Variants in LOXHD1 observed in about 807,000 individuals in gnomAD.
LOXHD1 encodes lipoxygenase homology domain-containing protein 1.
A neutral mutation model predicts 248.2 loss-of-function variants in LOXHD1; 205 were observed. The observed-to-expected ratio is 0.83, with a 90% CI of 0.74 to 0.93. The LOEUF is 0.93. Among genes scored for constraint, LOXHD1 ranks in the 40% least tolerant of loss-of-function variants. The pLI, the probability that LOXHD1 is intolerant of heterozygous loss-of-function variation, is 0.00. For missense variants in LOXHD1, 2,930 were observed against 2,971.6 expected, an observed-to-expected ratio of 0.99 and a Z score of 0.33; for synonymous variants, 1,113 against 1,162.8, an observed-to-expected ratio of 0.96 and a Z score of 0.87.
chr18:46,559,982 T>C, intron 19 of LOXHD1, 101 bp downstream of exon 19: 3 of 1,324,988 alleles, frequency 2.3e-6, no homozygotes, highest in Non-Finnish European at 3.1e-6. Flanking sequence ...CTATTTGGCC[T>C]CCACGTGAGG....
intron 40 of LOXHD1, among the ~76,000 whole-genome samples, chr18:46,482,762 G>T (rs2032687793): frequency 6.6e-6 from 1 of 152,222 alleles, no homozygotes; most frequent in Admixed American, 6.5e-5. Context: ...CTTTCCTTGT[G>T]CAGGGAAGGC....
intron 5 of LOXHD1, 66 bp from the exon 6 acceptor site, chr18:46,610,990 TG>T: frequency 1.3e-6 from 2 of 1,526,740 alleles, no homozygotes; most frequent in Non-Finnish European, 1.8e-6. Context: ...CAAGCCTTCA[TG>T]GTCCGCCCAC....
At position 46,521,149 on chromosome 18, in the gene LOXHD1, G is replaced by T. The variant is rs752649753; in HGVS notation, c.5219C>A (p.Thr1740Asn). The T allele has an allele frequency of 2.6e-5, 40 of 1,551,654 alleles. No homozygotes were observed. Among genetic ancestry groups the T allele is most frequent in the South Asian group, 9.5e-5 (8 of 84,070 alleles). The stretch of plus-strand genomic sequence containing the variant: ...ATCCAAGAGGTCGAAGACACGGGAG[G>T]TGATGCCGTCGCCTCTGTCCTTGGC... The part of the protein sequence containing the change: ...WLAKDRGDGI[T>N]SRVFDLLDAM... Residue 1740 changes from threonine (T) to asparagine (N), a missense_variant, in exon 33 of 41, where the codon ACC becomes AAC. Thr to Asn is a moderately conservative substitution (Grantham distance 65). Coordinates refer to ENST00000642948, the MANE Select transcript of LOXHD1 (RefSeq NM_001384474.1).
At chr18:46,487,070 G>A (rs1316139951) in intron 38 of LOXHD1, among the ~76,000 whole-genome samples, 1 of 152,130 alleles carries the variant, frequency 6.6e-6, no homozygotes, top group Non-Finnish European at 1.5e-5. Flanking sequence ...AACGTGATGA[G>A]CCCCATCTAA....
intron 21 of LOXHD1, among the ~76,000 whole-genome samples, chr18:46,552,365 C>T (rs1367158365): frequency 2.0e-5 from 3 of 152,168 alleles, no homozygotes; most frequent in Non-Finnish European, 2.9e-5. Flanking sequence ...CTATAAAGGA[C>T]CTCAAATATC....
chr18:46,489,046 C>G lies in LOXHD1; in HGVS notation c.5975G>C (p.Ser1992Thr), dbSNP rs1320301550. The G allele has an allele frequency of 1.3e-6, 2 of 1,551,716 alleles. No individual in the cohort carries two copies. Among genetic ancestry groups the G allele is most frequent in the Non-Finnish European group, 1.7e-6 (2 of 1,147,002 alleles). ...HFQCDCWLSK[S>T]EGDGQTVRDF... ...GCGGACCGTCTGCCCGTCACCCTCACTCTTGGAGAGCCAGCAGTCACACTG... is the reference window on the plus strand; with the variant it reads ...GCGGACCGTCTGCCCGTCACCCTCAGTCTTGGAGAGCCAGCAGTCACACTG... The change falls in exon 38 of 41, where the codon AGT (serine) becomes ACT (threonine). Residue 1992 changes from serine to threonine, a missense_variant. By Grantham distance (58) the Ser-to-Thr change is moderately conservative. Coordinates refer to ENST00000642948, the MANE Select transcript of LOXHD1 (RefSeq NM_001384474.1).
intron 6 of LOXHD1, among the ~76,000 whole-genome samples, chr18:46,609,505 C>T (rs2038472323): frequency 6.6e-6 from 1 of 152,186 alleles, no homozygotes; most frequent in Admixed American, 6.5e-5. Flanking sequence ...CTATTTTAAG[C>T]AATAAGACCT....
Position 46,627,518 on chromosome 18 carries a change from GA to G in LOXHD1, c.512-9229del, listed in dbSNP as rs796474993. Among the ~76,000 whole-genome samples the G allele has an allele frequency of 7.1e-3, 1,063 of 149,500 alleles. 17 individuals carry two copies. The highest frequency in any genetic ancestry group is 0.025 in the African/African-American group (1,005 of 40,810). The stretch of plus-strand genomic sequence containing the variant: ...GGAGAAAGTGCTATTTCCACAAACA[GA>G]AAAAAAAAGGCTATTTTAAACACCT... On this transcript the variant is annotated intron_variant, in intron 4 of 40. Transcript: ENST00000642948.
At chr18:46,571,055 G>A (rs80212016) in intron 15 of LOXHD1, among the ~76,000 whole-genome samples, 10,069 of 152,214 alleles carry the variant, frequency 0.066, 367 homozygotes, top group Non-Finnish European at 0.082. Flanking sequence ...GGGTCCTTTT[G>A]CCACAGGCAT....
intron 31 of LOXHD1, among the ~76,000 whole-genome samples, 159 bp from the exon 32 acceptor site, chr18:46,522,468 G>C (rs952033469): frequency 3.3e-5 from 5 of 152,166 alleles, no homozygotes; most frequent in Non-Finnish European, 7.3e-5. Context: ...AGTTATCTGT[G>C]GTGTGTGTCT....
rs561412194 is a variant in LOXHD1, at chr18:46,558,146, T to C, written c.3217-657A>G. ...ATCTACAGAAAACTTTCAGAAATAG[T>C]ATGATGAAAGTTCATATGCCTTCAT... On this transcript the variant is annotated intron_variant, in intron 20 of 40. Transcript: ENST00000642948. 669 of 841,152 alleles carry C rather than the reference T, an allele frequency of 8.0e-4. 2 individuals are homozygous for C. The highest frequency in any genetic ancestry group is 1.6e-3 in the Admixed American group (26 of 16,142). The allele number at this position is 841,152 out of a possible 1,614,324, so 52.1% of individuals were successfully genotyped here.
intron 16 of LOXHD1, among the ~76,000 whole-genome samples, chr18:46,568,500 T>A (rs1167176188): frequency 6.6e-6 from 1 of 152,192 alleles, no homozygotes; most frequent in Non-Finnish European, 1.5e-5. Context: ...TCCCCCTTAC[T>A]GTGCTTGCCT....
rs1334605246 is a variant in LOXHD1, at chr18:46,541,835, T to A, written c.3854A>T (p.Asp1285Val). Residue 1285 changes from aspartate to valine, a missense_variant, in exon 25 of 41, where the codon GAC becomes GTC. By Grantham distance (152) the Asp-to-Val change is radical (BLOSUM62 -3). Coordinates refer to ENST00000642948, the MANE Select transcript of LOXHD1 (RefSeq NM_001384474.1). ...GAAGAGGTCTCTGATGATGGACCCG[T>A]CGTCTTCGTTTTTGGCCAGCCAGCG... Reference protein sequence around the residue: ...CGRWLAKNEDDGSIIRDLFHA... With the variant: ...CGRWLAKNEDVGSIIRDLFHA... The A allele has an allele frequency of 6.4e-7, 1 of 1,551,704 alleles. No individual in the cohort carries two copies. The highest frequency in any genetic ancestry group is 8.7e-7 in the Non-Finnish European group (1 of 1,147,006).
chr18:46,524,971 A>C, intron 29 of LOXHD1, 54 bp from the exon 30 acceptor site: 2 of 1,536,680 alleles, frequency 1.3e-6, no homozygotes, highest in Non-Finnish European at 1.8e-6. Context: ...CACTCAACCC[A>C]CTCCAGCCCC....
intron 37 of LOXHD1, 146 bp from the exon 38 acceptor site, chr18:46,489,288 A>T: frequency 3.5e-6 from 3 of 851,450 alleles, no homozygotes; most frequent in Non-Finnish European, 5.6e-6. Context: ...TGATAAAGTG[A>T]GGGGTTGGGT....
intron 7 of LOXHD1, 103 bp downstream of exon 7, chr18:46,604,002 CT>C: frequency 6.9e-7 from 1 of 1,450,606 alleles, no homozygotes; most frequent in Non-Finnish European, 9.3e-7. Context: ...GCAGACCCAG[CT>C]GGCTCCTGTT....
At chr18:46,549,045 G>C (rs1353614442) in intron 21 of LOXHD1, among the ~76,000 whole-genome samples, 1 of 152,190 alleles carries the variant, frequency 6.6e-6, no homozygotes, top group Non-Finnish European at 1.5e-5. Context: ...TCCCCACAGT[G>C]CCAACAAGCA....
chr18:46,577,879 A>C lies in LOXHD1; in HGVS notation c.1810-12T>G. On this transcript the variant is annotated splice_polypyrimidine_tract_variant and intron_variant, in intron 13 of 40. Transcript: ENST00000642948. ...GTGAACTCGTCAGCCTTGTGGGGGG[A>C]AACCACAAGGCCAGTTAGACAGTGG... 3 of 1,551,302 alleles carry C rather than the reference A, an allele frequency of 1.9e-6. No individual in the cohort carries two copies. The South Asian group carries it at 3.6e-5, about 18-fold the overall frequency.
intron 4 of LOXHD1, among the ~76,000 whole-genome samples, chr18:46,635,384 T>TA (rs2038880184): frequency 6.6e-6 from 1 of 152,164 alleles, no homozygotes; most frequent in Non-Finnish European, 1.5e-5. Flanking sequence ...GGTGCCAGAC[T>TA]AATTGCCCTT....
Sources: gnomAD v4.1 joint callset for allele counts (sites outside exome capture counted in the v4.1 genomes callset) on GRCh38, gnomAD v4.1.1 for gene constraint, MANE v1.5 for transcripts, NCBI Gene and HGNC (gene_info 2026-07-23, HGNC 2026-07-21) for gene names.